Variants in PSEN1 observed in about 807,000 individuals in gnomAD.
PSEN1 encodes the protein presenilin 1.
Under a neutral mutation model 53.5 loss-of-function variants are expected in PSEN1, and 15 were observed. The ratio of observed to expected loss-of-function variants is 0.28; its 90% CI spans 0.19 to 0.43. PSEN1 has a LOEUF of 0.43. Ranked by LOEUF, PSEN1 falls within the 20% of genes least tolerant of loss-of-function variation. The probability of loss-of-function intolerance (pLI) is 1.00; values close to 1 mark genes in which losing one functional copy is unlikely to be tolerated. For missense variants in PSEN1, 387 were observed against 571.2 expected, an observed-to-expected ratio of 0.68 and a Z score of 3.29; for synonymous variants, 208 against 209.8, an observed-to-expected ratio of 0.99 and a Z score of 0.08.
rs142799518 is a variant in PSEN1, at chr14:73,157,917, C to T, written c.87+9811C>T. 5.9e-3 allele frequency among the ~76,000 whole-genome samples: 902 copies of T among 152,072 alleles called. 12 individuals are homozygous for T. The highest frequency in any genetic ancestry group is 0.021 in the African/African-American group (857 of 41,492). On this transcript the variant is annotated intron_variant, in intron 3 of 11. Transcript: ENST00000324501. The stretch of plus-strand genomic sequence containing the variant: ...ATGAGGATTGCTTGAACCCAGGAGG[C>T]AGAGGTTGCAGTGAGCTGAGATTGT...
chr14:73,151,591 T>G (rs1897225320), intron 3 of PSEN1, among the ~76,000 whole-genome samples: 1 of 152,082 alleles, frequency 6.6e-6, no homozygotes, highest in African/African-American at 2.4e-5. Context: ...AATCTCACGC[T>G]GTCACCAAAG....
intron 1 of PSEN1, among the ~76,000 whole-genome samples, chr14:73,146,742 G>A (rs1897081838): frequency 1.3e-5 from 2 of 152,180 alleles, no homozygotes; most frequent in African/African-American, 2.4e-5. Context: ...GTATCCTGAT[G>A]TTAAAAGTGA....
In PSEN1 at chr14:73,170,886, C is replaced by T. The variant is rs201998552; in HGVS notation, c.177C>T (p.Ser59=). Residue 59 remains serine, a synonymous_variant, in exon 4 of 12, where the codon TCC becomes TCT. Coordinates refer to ENST00000324501, the MANE Select transcript of PSEN1 (RefSeq NM_000021.4). ...PLSNGRPQGN[S]RQVVEQDEEE... ...CTAATGGACGACCCCAGGGTAACTC[C>T]CGGCAGGTGGTGGAGCAAGATGAGG... 1.9e-6 allele frequency: 3 copies of T among 1,614,158 alleles called. No homozygotes were observed. Among genetic ancestry groups the T allele is most frequent in the Non-Finnish European group, 2.5e-6 (3 of 1,180,020 alleles).
intron 8 of PSEN1, among the ~76,000 whole-genome samples, chr14:73,200,201 T>A (rs1899121221): frequency 6.6e-6 from 1 of 152,220 alleles, no homozygotes; most frequent in Non-Finnish European, 1.5e-5. Context: ...TTTTCATGTG[T>A]TTCTTAGTTA....
intron 5 of PSEN1, among the ~76,000 whole-genome samples, chr14:73,175,473 T>C (rs1898022701): frequency 6.6e-6 from 1 of 151,156 alleles, no homozygotes; most frequent in African/African-American, 2.4e-5. Context: ...AAGACCTATC[T>C]CTACCAAAAA....
rs181808070 is a variant in PSEN1 at position 73,159,774 on chromosome 14, C to T, written c.88-11023C>T. ...GAACAACTCCCCATTTTCCATTTCT[C>T]TCAGCCCGTGGCAATATGCTTTCTG... On this transcript the variant is annotated intron_variant, in intron 3 of 11. Coordinates refer to ENST00000324501, the MANE Select transcript of PSEN1 (RefSeq NM_000021.4). Among the ~76,000 whole-genome samples the T allele has an allele frequency of 6.6e-5, 10 of 152,298 alleles. No individual in the cohort carries two copies. In the East Asian group the frequency reaches 1.9e-3, roughly 29 times the overall value.
intron 10 of PSEN1, among the ~76,000 whole-genome samples, chr14:73,214,403 G>A (rs1211924810): frequency 6.6e-6 from 1 of 151,964 alleles, no homozygotes; most frequent in African/African-American, 2.4e-5. Context: ...GGTGGCACAT[G>A]CCTGTAGTCC....
chr14:73,168,052 G>C (rs886256977), intron 3 of PSEN1: 5 of 151,788 alleles, frequency 3.3e-5, no homozygotes, highest in African/African-American at 1.2e-4. Flanking sequence ...CCTATCCTGT[G>C]CTCATAAAAA....
intron 3 of PSEN1, among the ~76,000 whole-genome samples, chr14:73,167,661 G>C (rs575002423): frequency 6.6e-6 from 1 of 151,556 alleles, no homozygotes; most frequent in Non-Finnish European, 1.5e-5. Flanking sequence ...TCCCCACTTT[G>C]TCTCTTCCTC....
chr14:73,162,916 C>CT (rs1239477188), intron 3 of PSEN1, among the ~76,000 whole-genome samples: 32 of 152,216 alleles, frequency 2.1e-4, no homozygotes, highest in African/African-American at 7.5e-4. Flanking sequence ...TACTCTATAC[C>CT]TTTTAATACT....
At chr14:73,212,088 C>CCTTT (rs1899715269) in intron 10 of PSEN1, 146 bp downstream of exon 10, 1 of 66,914 alleles carries the variant, frequency 1.5e-5, no homozygotes, top group African/African-American at 7.4e-5. Context: ...AGTAATAGTG[C>CCTTT]TTTTTTTTTT....
At chr14:73,163,864 A>G (rs938661589) in intron 3 of PSEN1, among the ~76,000 whole-genome samples, 2 of 152,176 alleles carry the variant, frequency 1.3e-5, no homozygotes, top group Non-Finnish European at 2.9e-5. Context: ...TGATTTTGTT[A>G]TGAGCATGAC....
At chr14:73,211,637 G>A in intron 9 of PSEN1, 132 bp from the exon 10 acceptor site, 1 of 907,848 alleles carries the variant, frequency 1.1e-6, no homozygotes. Flanking sequence ...AGCAGGCACT[G>A]CTACAGCCCA....
At chr14:73,205,018 A>G (rs987425535) in intron 8 of PSEN1, among the ~76,000 whole-genome samples, 3 of 152,236 alleles carry the variant, frequency 2.0e-5, no homozygotes, top group Non-Finnish European at 4.4e-5. Context: ...GGGTTATCCT[A>G]TAATGAAACT....
intron 3 of PSEN1, among the ~76,000 whole-genome samples, chr14:73,169,641 G>A (rs1272043460): frequency 6.6e-6 from 1 of 151,542 alleles, no homozygotes; most frequent in East Asian, 1.9e-4. Context: ...ACATCTGATT[G>A]TGTCACTTAT....
intron 5 of PSEN1, among the ~76,000 whole-genome samples, chr14:73,184,800 C>T (rs1240461842): frequency 6.6e-6 from 1 of 151,390 alleles, no homozygotes; most frequent in East Asian, 1.9e-4. Flanking sequence ...ACGCTCCTCA[C>T]TTCCCAGACG....
chr14:73,160,221 T>C (rs1458675602), intron 3 of PSEN1: 2 of 156,494 alleles, frequency 1.3e-5, no homozygotes, highest in Non-Finnish European at 2.8e-5. Flanking sequence ...ATCTATATTG[T>C]AGCATGTGAC....
chr14:73,154,703 G>A (rs1242449312), intron 3 of PSEN1, among the ~76,000 whole-genome samples: 1 of 152,148 alleles, frequency 6.6e-6, no homozygotes. Flanking sequence ...AATATACATA[G>A]AATTCTTATG....
chr14:73,141,310 G>GA (rs1191264161), intron 1 of PSEN1, among the ~76,000 whole-genome samples: 1 of 150,808 alleles, frequency 6.6e-6, no homozygotes, highest in African/African-American at 2.5e-5. Context: ...GAGTGGGATG[G>GA]AAGGAGAAAA....
Sources: allele counts gnomAD v4.1 joint callset (sites outside exome capture counted in the v4.1 genomes callset), GRCh38; gene constraint gnomAD v4.1.1; transcripts MANE v1.5; gene names NCBI Gene and HGNC (gene_info 2026-07-23, HGNC 2026-07-21).